The following SLC39A11 variants were observed in gnomAD, a reference collection of about 807,000 sequenced individuals.
The protein encoded by SLC39A11 is solute carrier family 39 member 11.
In SLC39A11, 33 loss-of-function variants were observed where a neutral mutation model predicts 36.1. That is an observed-to-expected ratio of 0.91 (90% confidence interval 0.69 to 1.22). The LOEUF is 1.22. SLC39A11 is among the 50% of genes most tolerant of loss of function. The pLI, the probability that SLC39A11 is intolerant of heterozygous loss-of-function variation, is 0.00. For synonymous variants in SLC39A11, 166 were observed against 170.3 expected (o/e 0.97, Z 0.20); for missense variants, 432 against 430.3 (o/e 1.00, Z -0.03).
chr17:73,060,005 T>C (rs1473248950), intron 3 of SLC39A11, among the ~76,000 whole-genome samples: 1 of 151,112 alleles, frequency 6.6e-6, no homozygotes, highest in African/African-American at 2.4e-5. Context: ...AGGTCAGGAG[T>C]TCAAGACCAG....
chr17:72,796,853 T>C (rs2076912551), intron 6 of SLC39A11, among the ~76,000 whole-genome samples: 1 of 152,126 alleles, frequency 6.6e-6, no homozygotes, highest in African/African-American at 2.4e-5. Context: ...TGCAAGAAGA[T>C]GTGACAACCC....
At chr17:72,872,096 A>C (rs1453096385) in intron 5 of SLC39A11, among the ~76,000 whole-genome samples, 1 of 152,210 alleles carries the variant, frequency 6.6e-6, no homozygotes, top group Non-Finnish European at 1.5e-5. Flanking sequence ...TTTCCTATAC[A>C]AGAGGTAAAG....
intron 4 of SLC39A11, among the ~76,000 whole-genome samples, chr17:73,012,380 A>T (rs1166846050): frequency 1.3e-5 from 2 of 152,200 alleles, no homozygotes; most frequent in South Asian, 4.1e-4. Context: ...GTTATACGTG[A>T]CTATATCAAA....
chr17:72,899,430 TTCA>T (rs966213833), intron 5 of SLC39A11, among the ~76,000 whole-genome samples: 1 of 152,180 alleles, frequency 6.6e-6, no homozygotes, highest in Non-Finnish European at 1.5e-5. Flanking sequence ...TTCTTTGTGT[TTCA>T]TCATCATTTG....
At chr17:72,952,155 T>G (rs1218730722) in intron 4 of SLC39A11, among the ~76,000 whole-genome samples, 2 of 152,052 alleles carry the variant, frequency 1.3e-5, no homozygotes, top group African/African-American at 4.8e-5. Flanking sequence ...ACAGAAAGTA[T>G]CTCCGGAGTA....
At position 72,739,336 on chromosome 17, in the gene SLC39A11, G is replaced by A. The variant is rs908710266; in HGVS notation, c.602-2617C>T. On this transcript the variant is annotated intron_variant, in intron 6 of 9. Coordinates refer to ENST00000255559, the MANE Select transcript of SLC39A11 (RefSeq NM_139177.4). ...GAGACAGGATTTTACCGTGTTGGCC[G>A]GGCTGGTCTTGAACTCCTGACCTCA... is the stretch of plus-strand genomic sequence containing the variant. 5.4e-4 allele frequency among the ~76,000 whole-genome samples: 82 copies of A among 151,956 alleles called. 1 individual carries two copies. Among genetic ancestry groups the A allele is most frequent in the African/African-American group, 1.8e-3 (76 of 41,358 alleles).
chr17:72,654,224 A>T (rs1371470364), intron 7 of SLC39A11, among the ~76,000 whole-genome samples: 1 of 151,484 alleles, frequency 6.6e-6, no homozygotes, highest in Non-Finnish European at 1.5e-5. Flanking sequence ...TCTGCCAGGG[A>T]GGGTGATGGG....
intron 6 of SLC39A11, among the ~76,000 whole-genome samples, chr17:72,754,357 T>C (rs1474357109): frequency 6.6e-6 from 1 of 151,998 alleles, no homozygotes; most frequent in African/African-American, 2.4e-5. Context: ...ACTGCTCGGG[T>C]AGTGGGTGCC....
rs982828610 is a variant in SLC39A11, at chr17:72,780,606, T to C, written c.602-43887A>G. 2.0e-5 allele frequency among the ~76,000 whole-genome samples: 3 copies of C among 152,038 alleles called. No individual in the cohort carries two copies. The South Asian group carries it at 6.2e-4, about 32-fold the overall frequency. ...AGAGCAATTCCGGGACTTGACAAGTTCATCATTCCATGTAGACCATAACTG... is the reference window on the plus strand; with the variant it reads ...AGAGCAATTCCGGGACTTGACAAGTCCATCATTCCATGTAGACCATAACTG... On this transcript the variant is annotated intron_variant, in intron 6 of 9. Coordinates refer to ENST00000255559, the MANE Select transcript of SLC39A11 (RefSeq NM_139177.4).
chr17:73,054,407 T>C lies in SLC39A11; in HGVS notation c.148-22693A>G, dbSNP rs540468887. Among the ~76,000 whole-genome samples, 7 of 151,734 alleles carry C rather than the reference T, an allele frequency of 4.6e-5. No homozygotes were observed. The South Asian group carries it at 1.5e-3, about 32-fold the overall frequency. On this transcript the variant is annotated intron_variant, in intron 3 of 9. Coordinates refer to ENST00000255559, the MANE Select transcript of SLC39A11 (RefSeq NM_139177.4). ...AAAAAACTCTAATGCACACGCCACATTTATTCAACATTCACTTTAAAAATA... is the reference window on the plus strand; with the variant it reads ...AAAAAACTCTAATGCACACGCCACACTTATTCAACATTCACTTTAAAAATA...
intron 4 of SLC39A11, among the ~76,000 whole-genome samples, chr17:73,029,630 G>C (rs924628194): frequency 7.9e-5 from 12 of 151,784 alleles, no homozygotes; most frequent in Admixed American, 4.6e-4. Context: ...TACCTAGGCA[G>C]GAGTGCAGTG....
At chr17:72,874,459 A>G (rs1225848129) in intron 5 of SLC39A11, among the ~76,000 whole-genome samples, 3 of 152,178 alleles carry the variant, frequency 2.0e-5, no homozygotes, top group Non-Finnish European at 4.4e-5. Context: ...TGAGGCGTCC[A>G]TCTGCAAGGC....
At chr17:72,725,041 T>C (rs1171004396) in intron 7 of SLC39A11, among the ~76,000 whole-genome samples, 4 of 152,264 alleles carry the variant, frequency 2.6e-5, no homozygotes, top group Non-Finnish European at 4.4e-5. Flanking sequence ...GAGAACCTGT[T>C]TGATCCTGGT....
At chr17:72,986,226 C>T (rs2088740634) in intron 4 of SLC39A11, among the ~76,000 whole-genome samples, 2 of 152,174 alleles carry the variant, frequency 1.3e-5, no homozygotes, top group African/African-American at 4.8e-5. Context: ...ACTCCAGGGT[C>T]CCCCAGAAGC....
chr17:72,930,123 A>G (rs1290404925), intron 5 of SLC39A11, among the ~76,000 whole-genome samples: 1 of 152,214 alleles, frequency 6.6e-6, no homozygotes, highest in East Asian at 1.9e-4. Flanking sequence ...AGCCCTCTGC[A>G]TACAGCATTT....
chr17:72,661,723 C>T (rs571707306), intron 7 of SLC39A11, among the ~76,000 whole-genome samples: 6 of 152,140 alleles, frequency 3.9e-5, no homozygotes, highest in African/African-American at 7.2e-5. Flanking sequence ...TGGCTTAGCA[C>T]GCAAGGGATC....
rs184332173 is a variant in SLC39A11 at position 72,765,635 on chromosome 17, G to A, written c.602-28916C>T. Among the ~76,000 whole-genome samples, 434 of 152,276 alleles carry A rather than the reference G, an allele frequency of 2.9e-3. 2 individuals carry two copies. Among genetic ancestry groups the A allele is most frequent in the African/African-American group, 0.01 (419 of 41,552 alleles). Reference sequence around the variant, plus strand: ...GGTCCAGGAAGGTCCAGGGAGCTGGGCTGGACAGTGCTGGGCACTTTCCTT... The same window carrying A: ...GGTCCAGGAAGGTCCAGGGAGCTGGACTGGACAGTGCTGGGCACTTTCCTT... On this transcript the variant is annotated intron_variant, in intron 6 of 9. Coordinates refer to ENST00000255559, the MANE Select transcript of SLC39A11 (RefSeq NM_139177.4).
intron 5 of SLC39A11, among the ~76,000 whole-genome samples, chr17:72,904,482 T>G (rs2082550489): frequency 6.6e-6 from 1 of 151,962 alleles, no homozygotes; most frequent in Non-Finnish European, 1.5e-5. Flanking sequence ...CTGGTCTGCA[T>G]GGCAAGAGTC....
intron 3 of SLC39A11, among the ~76,000 whole-genome samples, chr17:73,037,476 G>A (rs984115538): frequency 4.5e-4 from 69 of 152,246 alleles, no homozygotes; most frequent in Non-Finnish European, 5.3e-4. Context: ...GCAGGCCACA[G>A]AGGAGAAGGT....
Sources: allele counts gnomAD v4.1 joint callset (sites outside exome capture counted in the v4.1 genomes callset), GRCh38; gene constraint gnomAD v4.1.1; transcripts MANE v1.5; gene names NCBI Gene and HGNC (gene_info 2026-07-23, HGNC 2026-07-21).